Variants in ROR2 observed in about 807,000 individuals in gnomAD.
ROR2 encodes tyrosine-protein kinase transmembrane receptor ROR2.
ROR2 carries 33 observed loss-of-function variants against 74.9 expected under a neutral mutation model. That is an observed-to-expected ratio of 0.44 (90% CI 0.33 to 0.59). ROR2 has a LOEUF of 0.59. Among genes scored for constraint, ROR2 ranks in the 20% least tolerant of loss-of-function variants. The pLI is 0.02. For synonymous variants in ROR2, 586 were observed against 558.7 expected, an observed-to-expected ratio of 1.05 and a Z score of -0.69; for missense variants, 1,216 against 1,313.8, an observed-to-expected ratio of 0.93 and a Z score of 1.15.
At chr9:91,912,794 G>A (rs1440985926) in intron 1 of ROR2, among the ~76,000 whole-genome samples, 4 of 152,028 alleles carry the variant, frequency 2.6e-5, no homozygotes, top group Admixed American at 2.0e-4. Flanking sequence ...TTCATTTTTA[G>A]CTAATCTTAA....
chr9:91,931,931 C>T (rs1262088568), intron 1 of ROR2, among the ~76,000 whole-genome samples: 1 of 152,044 alleles, frequency 6.6e-6, no homozygotes, highest in African/African-American at 2.4e-5. Flanking sequence ...CAATAAAGTT[C>T]TGGGAACAAT....
chr9:91,899,749 A>G (rs1243618236), intron 1 of ROR2, among the ~76,000 whole-genome samples: 2 of 152,104 alleles, frequency 1.3e-5, no homozygotes, highest in African/African-American at 2.4e-5. Context: ...ACACACATAT[A>G]CACTCACACA....
intron 1 of ROR2, among the ~76,000 whole-genome samples, chr9:91,825,536 T>G (rs972318575): frequency 1.3e-5 from 2 of 152,144 alleles, no homozygotes. Context: ...GACAGGAACA[T>G]CTGCCTGAGA....
At chr9:91,804,373 C>A (rs1027715404) in intron 1 of ROR2, among the ~76,000 whole-genome samples, 1 of 152,172 alleles carries the variant, frequency 6.6e-6, no homozygotes, top group African/African-American at 2.4e-5. Flanking sequence ...TGTGCCAGCC[C>A]CACAGCTGCC....
intron 1 of ROR2, among the ~76,000 whole-genome samples, chr9:91,906,457 C>A (rs1830821129): frequency 6.6e-6 from 1 of 152,176 alleles, no homozygotes; most frequent in Non-Finnish European, 1.5e-5. Context: ...CACATGGTCA[C>A]AGGCTGCCAC....
intron 4 of ROR2, among the ~76,000 whole-genome samples, chr9:91,746,950 C>T (rs532584132): frequency 6.6e-6 from 1 of 152,188 alleles, no homozygotes; most frequent in East Asian, 1.9e-4. Context: ...GCAACACACG[C>T]CAGCCAAGGG....
intron 1 of ROR2, among the ~76,000 whole-genome samples, chr9:91,874,026 A>G (rs1042938371): frequency 2.0e-5 from 3 of 152,122 alleles, no homozygotes; most frequent in African/African-American, 7.2e-5. Context: ...TCTGATGAAC[A>G]CTTACAGCCT....
At chr9:91,755,798 T>C (rs902301732) in intron 4 of ROR2, 14 of 563,000 alleles carry the variant, frequency 2.5e-5, no homozygotes, top group Non-Finnish European at 3.8e-5. Flanking sequence ...CTGGCCTGTA[T>C]ATTTATACTC....
chr9:91,727,903 C>T (rs981550677), intron 7 of ROR2, among the ~76,000 whole-genome samples: 1 of 152,196 alleles, frequency 6.6e-6, no homozygotes, highest in African/African-American at 2.4e-5. Context: ...CCTGCTCCCC[C>T]AAATAAGAAG....
intron 2 of ROR2, among the ~76,000 whole-genome samples, chr9:91,766,000 G>T (rs1587698673): frequency 6.6e-6 from 1 of 151,816 alleles, no homozygotes; most frequent in African/African-American, 2.4e-5. Context: ...GTAACTTTAG[G>T]TTTCTTATTT....
Position 91,755,838 on chromosome 9 carries a change from C to T in ROR2, c.494+233G>A, listed in dbSNP as rs1410777938. The T allele has an allele frequency of 1.7e-4, 106 of 607,920 alleles. 1 individual carries two copies. Among genetic ancestry groups the T allele is most frequent in the Non-Finnish European group, 2.6e-4 (88 of 342,190 alleles). 37.7% of individuals were successfully genotyped at this position (607,920 alleles called of 1,614,324 possible). On this transcript the variant is annotated intron_variant, in intron 4 of 8. Transcript: ENST00000375708. ...CAGTAGCCCTGTGTAAGGTCACAAT[C>T]ACAGAAAGAAATTAACCATTTTTGT...
At chr9:91,830,061 C>T (rs1255060625) in intron 1 of ROR2, among the ~76,000 whole-genome samples, 1 of 152,216 alleles carries the variant, frequency 6.6e-6, no homozygotes, top group Non-Finnish European at 1.5e-5. Context: ...TGACTCATAT[C>T]TAATTCAACA....
At chr9:91,944,012 CTTCTA>C (rs1272442171) in intron 1 of ROR2, among the ~76,000 whole-genome samples, 4 of 152,196 alleles carry the variant, frequency 2.6e-5, no homozygotes, top group Non-Finnish European at 5.9e-5. Flanking sequence ...ATTTTCACCT[CTTCTA>C]TTCAACACAG....
chr9:91,754,004 T>C (rs2118828819), intron 4 of ROR2, among the ~76,000 whole-genome samples: 1 of 152,136 alleles, frequency 6.6e-6, no homozygotes, highest in Non-Finnish European at 1.5e-5. Context: ...CTTAGGTAGA[T>C]GTATGTATGT....
intron 1 of ROR2, among the ~76,000 whole-genome samples, chr9:91,802,990 C>T (rs1827440900): frequency 6.6e-6 from 1 of 152,070 alleles, no homozygotes; most frequent in Non-Finnish European, 1.5e-5. Flanking sequence ...ACCACGACAA[C>T]AGGTTATCAG....
chr9:91,816,009 T>C (rs1378386892), intron 1 of ROR2, among the ~76,000 whole-genome samples: 1 of 152,060 alleles, frequency 6.6e-6, no homozygotes, highest in African/African-American at 2.4e-5. Context: ...AAAACCCTTC[T>C]CCATAAACGG....
At chr9:91,812,566 C>A (rs1438285389) in intron 1 of ROR2, among the ~76,000 whole-genome samples, 2 of 148,982 alleles carry the variant, frequency 1.3e-5, no homozygotes, top group African/African-American at 2.5e-5. Context: ...CCGCCCCACC[C>A]CCCCCACACA....
rs1836903167 is a variant in ROR2, at chr9:91,724,057, G to A, written c.2437C>T (p.Pro813Ser). The change falls in exon 9 of 9, where the codon CCC becomes TCC. Residue 813 changes from proline to serine, a missense_variant. Physicochemically the swap from Pro to Ser is moderately conservative, Grantham distance 74 (BLOSUM62 -1). Transcript: ENST00000375708. ...ACGGGGACGTAGAGCTGCGGCGGGG[G>A]CACCATGGGTCTGATCTGGCCCTTC... is the stretch of plus-strand genomic sequence containing the variant. ...PMKGQIRPMV[P>S]PPQLYVPVNG... 4 of 1,610,894 alleles carry A rather than the reference G, an allele frequency of 2.5e-6. No homozygotes were observed. In the South Asian group the frequency reaches 3.3e-5, roughly 13 times the overall value.
chr9:91,819,451 T>C (rs1396494490), intron 1 of ROR2, among the ~76,000 whole-genome samples: 5 of 152,052 alleles, frequency 3.3e-5, no homozygotes, highest in Non-Finnish European at 7.4e-5. Flanking sequence ...TCTGTGTGTG[T>C]CTGTGTATGT....
Sources: allele counts gnomAD v4.1 joint callset (sites outside exome capture counted in the v4.1 genomes callset), GRCh38; gene constraint gnomAD v4.1.1; transcripts MANE v1.5; gene names NCBI Gene and HGNC (gene_info 2026-07-23, HGNC 2026-07-21).